Variants in SLC44A1 observed in about 807,000 individuals in gnomAD.
SLC44A1 encodes solute carrier family 44 member 1.
Under a neutral mutation model 79.3 loss-of-function variants are expected in SLC44A1, and 26 were observed. The ratio of observed to expected loss-of-function variants is 0.33; its 90% CI spans 0.24 to 0.46. The LOEUF is 0.46. SLC44A1 is among the 20% of genes least tolerant of loss of function. SLC44A1 has a pLI of 1.00. For synonymous variants in SLC44A1, 263 were observed against 286.2 expected, an observed-to-expected ratio of 0.92 and a Z score of 0.82; for missense variants, 688 against 798.1, an observed-to-expected ratio of 0.86 and a Z score of 1.66.
chr9:105,258,122 G>T (rs1829753943), intron 1 of SLC44A1, among the ~76,000 whole-genome samples: 1 of 152,146 alleles, frequency 6.6e-6, no homozygotes. Context: ...TGAAAGAGAA[G>T]GAAAGAACAG....
intron 5 of SLC44A1, among the ~76,000 whole-genome samples, chr9:105,351,926 G>C (rs1827460591): frequency 6.6e-6 from 1 of 152,174 alleles, no homozygotes; most frequent in Admixed American, 6.5e-5. Flanking sequence ...GGATGTTGTA[G>C]TCTATACCAC....
intron 7 of SLC44A1, among the ~76,000 whole-genome samples, chr9:105,359,139 A>G (rs1827707641): frequency 6.6e-6 from 1 of 152,190 alleles, no homozygotes; most frequent in Admixed American, 6.5e-5. Flanking sequence ...CTTTGCCTTA[A>G]AAACTTTTAT....
At chr9:105,268,491 G>A (rs541717687) in intron 1 of SLC44A1, among the ~76,000 whole-genome samples, 3 of 152,120 alleles carry the variant, frequency 2.0e-5, no homozygotes, top group Non-Finnish European at 4.4e-5. Flanking sequence ...ATTGATCTGA[G>A]TTCTATTTTA....
intron 10 of SLC44A1, 109 bp downstream of exon 10, chr9:105,364,829 CA>C: frequency 1.3e-6 from 1 of 797,032 alleles, no homozygotes; most frequent in Non-Finnish European, 2.0e-6. Context: ...ATTTCTTTAA[CA>C]AAAGAATTAG....
At chr9:105,281,819 G>A (rs1830359624) in intron 1 of SLC44A1, among the ~76,000 whole-genome samples, 1 of 152,270 alleles carries the variant, frequency 6.6e-6, no homozygotes, top group African/African-American at 2.4e-5. Context: ...GATTTAACTG[G>A]CTTTCAGAGA....
chr9:105,281,351 C>T (rs1320569750), intron 1 of SLC44A1, among the ~76,000 whole-genome samples: 2 of 152,144 alleles, frequency 1.3e-5, no homozygotes, highest in Non-Finnish European at 1.5e-5. Context: ...TACTCTCTTC[C>T]TTGATAAGGT....
At chr9:105,386,567 T>C (rs985077001) in intron 15 of SLC44A1, 9 of 305,092 alleles carry the variant, frequency 2.9e-5, no homozygotes, top group Non-Finnish European at 3.8e-5. Context: ...TATTAAAACA[T>C]GAGATTTTTT....
intron 15 of SLC44A1, among the ~76,000 whole-genome samples, chr9:105,388,174 C>T (rs1257909436): frequency 6.6e-6 from 1 of 152,162 alleles, no homozygotes; most frequent in African/African-American, 2.4e-5. Context: ...TGAAATGCTG[C>T]TCACAGAGTA....
chr9:105,363,378 GTC>G (rs1428754434), intron 9 of SLC44A1, among the ~76,000 whole-genome samples: 1 of 149,892 alleles, frequency 6.7e-6, no homozygotes, highest in Non-Finnish European at 1.5e-5. Context: ...GGCCAGGCTG[GTC>G]TCGAACTCCT....
intron 13 of SLC44A1, among the ~76,000 whole-genome samples, chr9:105,381,953 A>G (rs1828479925): frequency 6.6e-6 from 1 of 152,230 alleles, no homozygotes; most frequent in Non-Finnish European, 1.5e-5. Context: ...CCATGATTCT[A>G]GGGGTCTCTT....
chr9:105,434,340 CA>C (rs919892137), intron 15 of SLC44A1, among the ~76,000 whole-genome samples: 2 of 139,300 alleles, frequency 1.4e-5, no homozygotes, highest in Non-Finnish European at 3.1e-5. Flanking sequence ...GACTCCATCT[CA>C]AAAAAAAAGG....
intron 3 of SLC44A1, among the ~76,000 whole-genome samples, chr9:105,317,148 G>A (rs761161471): frequency 2.6e-5 from 4 of 152,082 alleles, no homozygotes; most frequent in Non-Finnish European, 2.9e-5. Context: ...AGCTTCTGGA[G>A]GTAACATATA....
intron 1 of SLC44A1, among the ~76,000 whole-genome samples, chr9:105,282,332 T>C (rs1267848982): frequency 6.6e-6 from 1 of 152,162 alleles, no homozygotes; most frequent in Non-Finnish European, 1.5e-5. Flanking sequence ...TTTGAGTGTG[T>C]CTAATCTAAT....
chr9:105,436,770 A>C (rs576840079), intron 15 of SLC44A1, among the ~76,000 whole-genome samples: 8 of 152,340 alleles, frequency 5.3e-5, no homozygotes, highest in Admixed American at 5.2e-4. Context: ...CCGGGGGATC[A>C]GCAATAAGTG....
chr9:105,356,058 C>T (rs1827612753), intron 5 of SLC44A1, 154 bp from the exon 6 acceptor site: 1 of 629,406 alleles, frequency 1.6e-6, no homozygotes, highest in Non-Finnish European at 2.8e-6. Flanking sequence ...CAGTCATCCT[C>T]ATAGCATTAA....
In SLC44A1 at chr9:105,385,688, A is replaced by G; in HGVS notation, c.1950+186A>G. ...TGGCAGAATTCTTGTCACAACTGAG[A>G]CCACCTTCTATAAAAGTAAGCTGAA... On this transcript the variant is annotated intron_variant, in intron 15 of 15. Coordinates refer to ENST00000374720, the MANE Select transcript of SLC44A1 (RefSeq NM_080546.5). 3 of 985,380 alleles carry G rather than the reference A, an allele frequency of 3.0e-6. No homozygotes were observed. The South Asian group carries it at 1.4e-4, about 46-fold the overall frequency. 61.0% of individuals were successfully genotyped at this position (985,380 alleles called of 1,614,324 possible). A position where few individuals can be genotyped will look rare whatever the true frequency, so the allele number is the denominator to read the frequency against.
At chr9:105,250,407 C>T (rs1311151296) in intron 1 of SLC44A1, among the ~76,000 whole-genome samples, 1 of 152,002 alleles carries the variant, frequency 6.6e-6, no homozygotes, top group Admixed American at 6.6e-5. Context: ...TGTTATTGGC[C>T]TGGGAAAATT....
intron 1 of SLC44A1, among the ~76,000 whole-genome samples, chr9:105,282,201 A>G (rs1230640834): frequency 6.7e-6 from 1 of 150,086 alleles, no homozygotes; most frequent in African/African-American, 2.4e-5. Context: ...GCATTTACTT[A>G]TTCAAGTTAG....
chr9:105,278,484 G>A (rs1038119748), intron 1 of SLC44A1, among the ~76,000 whole-genome samples: 3 of 152,120 alleles, frequency 2.0e-5, no homozygotes, highest in Non-Finnish European at 2.9e-5. Context: ...TCTTGACCTC[G>A]TGATCCACCC....
Sources: gnomAD v4.1 joint callset for allele counts (sites outside exome capture counted in the v4.1 genomes callset) on GRCh38, gnomAD v4.1.1 for gene constraint, MANE v1.5 for transcripts, NCBI Gene and HGNC (gene_info 2026-07-23, HGNC 2026-07-21) for gene names.